The following NEMF variants were observed in gnomAD, a reference collection of about 807,000 sequenced individuals.
The protein encoded by NEMF is nuclear export mediator factor, also known as ribosome quality control complex subunit NEMF.
In NEMF, 89 loss-of-function variants were observed where a neutral mutation model predicts 162.2. The ratio of observed to expected loss-of-function variants is 0.55; its 90% CI spans 0.46 to 0.65. The LOEUF (loss-of-function observed/expected upper bound fraction) is 0.65. Among genes scored for constraint, NEMF ranks in the 30% least tolerant of loss-of-function variants. The probability of loss-of-function intolerance (pLI) is 0.00; values close to 1 mark genes in which losing one functional copy is unlikely to be tolerated. For missense variants in NEMF, 1,133 were observed against 1,261.9 expected (o/e 0.90, Z 1.55); for synonymous variants, 421 against 404.5 (o/e 1.04, Z -0.49).
At chr14:49,793,417 G>A (rs1040839881) in intron 26 of NEMF, among the ~76,000 whole-genome samples, 17 of 152,158 alleles carry the variant, frequency 1.1e-4, no homozygotes, top group Admixed American at 1.0e-3. Flanking sequence ...AGTGGCTCAA[G>A]TCTGTAATCC....
intron 18 of NEMF, among the ~76,000 whole-genome samples, chr14:49,808,530 T>C (rs1891326514): frequency 6.6e-6 from 1 of 152,160 alleles, no homozygotes; most frequent in Non-Finnish European, 1.5e-5. Context: ...TGATTACTTA[T>C]GATTTTGGTA....
In NEMF at chr14:49,814,801, C is replaced by T. The variant is rs760379976; in HGVS notation, c.1634G>A (p.Arg545Gln). 1.2e-5 allele frequency: 19 copies of T among 1,594,750 alleles called. No homozygotes were observed. The highest frequency in any genetic ancestry group is 2.3e-5 in the East Asian group (1 of 43,508). Residue 545 changes from arginine to glutamine, a missense_variant, in exon 17 of 33, where the codon CGA (arginine) becomes CAA (glutamine). Physicochemically the swap from Arg to Gln is conservative, Grantham distance 43. Coordinates refer to ENST00000298310, the MANE Select transcript of NEMF (RefSeq NM_004713.6). ...SSENYLIIGG[R>Q]DQQQNEIIVK... is the part of the protein sequence containing the mutation. ...AATTATTTCATTCTGTTGCTGATCT[C>T]GTCCACCTATAATTAGATAGTTCTC... is the stretch of plus-strand genomic sequence containing the variant.
chr14:49,799,349 G>A, intron 25 of NEMF, 126 bp downstream of exon 25: 1 of 706,470 alleles, frequency 1.4e-6, no homozygotes. Context: ...CTAAACATTT[G>A]TGCTAAATCT....
intron 18 of NEMF, among the ~76,000 whole-genome samples, chr14:49,810,879 T>C (rs943340507): frequency 1.3e-5 from 2 of 152,116 alleles, no homozygotes; most frequent in African/African-American, 2.4e-5. Context: ...TGGTCCCAAC[T>C]ACTCAGGAGG....
At chr14:49,812,056 A>T (rs1201886759) in intron 18 of NEMF, among the ~76,000 whole-genome samples, 1 of 151,926 alleles carries the variant, frequency 6.6e-6, no homozygotes, top group Non-Finnish European at 1.5e-5. Flanking sequence ...TTTGATGAGT[A>T]TTTTTTTAAT....
chr14:49,830,349 T>C lies in NEMF; in HGVS notation c.946-923A>G, dbSNP rs189948234. ...GCTTTGAAATTGTGCTATGATTAACTAATTTTTAAAAACTGAAGAGGAAGT... is the reference window on the plus strand; with the variant it reads ...GCTTTGAAATTGTGCTATGATTAACCAATTTTTAAAAACTGAAGAGGAAGT... On this transcript the variant is annotated intron_variant, in intron 11 of 32. Transcript: ENST00000298310. Among the ~76,000 whole-genome samples the C allele has an allele frequency of 3.6e-3, 543 of 152,324 alleles. 3 individuals are homozygous for C. Among genetic ancestry groups the C allele is most frequent in the African/African-American group, 0.012 (517 of 41,572 alleles).
At chr14:49,787,524 A>C (rs1890233737) in intron 28 of NEMF, among the ~76,000 whole-genome samples, 1 of 152,188 alleles carries the variant, frequency 6.6e-6, no homozygotes, top group South Asian at 2.1e-4. Context: ...CATCTTAAAA[A>C]AAGATGGCAC....
chr14:49,843,353 G>C (rs552123898), intron 4 of NEMF, among the ~76,000 whole-genome samples: 28 of 152,212 alleles, frequency 1.8e-4, no homozygotes, highest in South Asian at 1.0e-3. Context: ...AATTGGCCAG[G>C]CATGGTGGTG....
In NEMF at chr14:49,795,955, A is replaced by G. The variant is rs1340486239; in HGVS notation, c.2466-11T>C. The G allele has an allele frequency of 6.3e-7, 1 of 1,578,992 alleles. No individual in the cohort carries two copies. Among genetic ancestry groups the G allele is most frequent in the African/African-American group, 1.4e-5 (1 of 72,742 alleles). ...TTCTTTTTCATTTCCCTGAATAAAA[A>G]AGACATGAAAACATTTCATTCTTAG... is the stretch of plus-strand genomic sequence containing the variant. On this transcript the variant is annotated splice_polypyrimidine_tract_variant and intron_variant, in intron 25 of 32. Transcript: ENST00000298310.
chr14:49,839,788 A>C (rs1009106711), intron 5 of NEMF: 1 of 152,240 alleles, frequency 6.6e-6, no homozygotes, highest in Non-Finnish European at 1.5e-5. Context: ...CGACCCCTGC[A>C]CAAGGATGAC....
intron 4 of NEMF, among the ~76,000 whole-genome samples, chr14:49,842,972 C>A (rs578219391): frequency 1.6e-4 from 24 of 151,942 alleles, no homozygotes; most frequent in Non-Finnish European, 2.5e-4. Context: ...CACCACTGCA[C>A]TCCAGCCTGG....
rs776893688 is a variant in NEMF, at chr14:49,799,678, C to A, written c.2373G>T (p.Arg791Ser). ...TIDLSHLQPQRSIQKLASKEE... is the reference protein window; with the variant it reads ...TIDLSHLQPQSSIQKLASKEE... ...CTTTTGAAGCCAATTTCTGGATGGA[C>A]CTATGAAAATAAACACAAGGGAGTC... The change falls in exon 24 of 33, where the codon AGG becomes AGT. Residue 791 changes from arginine (R) to serine (S), a missense_variant and splice_region_variant. This residue lies in a region of NEMF where 532 missense variants were observed against 578.6 expected (regional missense o/e 0.92). Coordinates refer to ENST00000298310, the MANE Select transcript of NEMF (RefSeq NM_004713.6). The A allele has an allele frequency of 5.0e-6, 8 of 1,610,290 alleles. No individual in the cohort carries two copies. The highest frequency in any genetic ancestry group is 6.8e-6 in the Non-Finnish European group (8 of 1,178,530).
chr14:49,825,762 TG>T, intron 16 of NEMF, 104 bp downstream of exon 16: 1 of 723,876 alleles, frequency 1.4e-6, no homozygotes. Flanking sequence ...GCAGAGCTAC[TG>T]GTTTTGTAAC....
intron 5 of NEMF, among the ~76,000 whole-genome samples, chr14:49,840,078 T>C (rs1037381078): frequency 1.3e-5 from 2 of 152,120 alleles, no homozygotes; most frequent in African/African-American, 2.4e-5. Context: ...GAGGATTGCT[T>C]GAGCCCAGGA....
chr14:49,802,229 T>A (rs765034756), intron 22 of NEMF, among the ~76,000 whole-genome samples: 11 of 151,686 alleles, frequency 7.3e-5, no homozygotes, highest in Non-Finnish European at 1.3e-4. Flanking sequence ...ATTACAGACA[T>A]GAGCCACAAT....
chr14:49,833,373 G>T, intron 8 of NEMF, 50 bp downstream of exon 8: 1 of 1,222,138 alleles, frequency 8.2e-7, no homozygotes, highest in Non-Finnish European at 1.1e-6. Flanking sequence ...TTTAATTTCT[G>T]AAAACCCAAA....
At chr14:49,816,832 A>G (rs1436578076) in intron 16 of NEMF, among the ~76,000 whole-genome samples, 2 of 152,242 alleles carry the variant, frequency 1.3e-5, no homozygotes, top group Non-Finnish European at 2.9e-5. Context: ...ATAGGGACAA[A>G]AAGAATGGGA....
chr14:49,813,403 G>C (rs1042685105), intron 18 of NEMF, among the ~76,000 whole-genome samples: 3 of 152,136 alleles, frequency 2.0e-5, no homozygotes, highest in East Asian at 3.9e-4. Flanking sequence ...GTATTCTAGA[G>C]ATGTCTGTTA....
intron 22 of NEMF, 34 bp downstream of exon 22, chr14:49,802,419 A>G (rs761287668): frequency 6.2e-7 from 1 of 1,604,796 alleles, no homozygotes; most frequent in Non-Finnish European, 8.5e-7. Context: ...AACAAAAAAC[A>G]TCACAAGCTA....
Sources: gnomAD v4.1 joint callset for allele counts (sites outside exome capture counted in the v4.1 genomes callset) on GRCh38, gnomAD v4.1.1 for gene constraint, gnomAD v4.1.1 regional missense constraint, MANE v1.5 for transcripts, NCBI Gene and HGNC (gene_info 2026-07-23, HGNC 2026-07-21) for gene names.